TTC29: variants seen among roughly 807,000 people sequenced by gnomAD.
The protein encoded by TTC29 is tetratricopeptide repeat protein 29.
TTC29 carries 49 observed loss-of-function variants against 58.1 expected under a neutral mutation model. The observed-to-expected ratio is 0.84, with a 90% CI of 0.67 to 1.07. The LOEUF (loss-of-function observed/expected upper bound fraction) is 1.07. TTC29 is among the 50% of genes least tolerant of loss of function. The pLI, the probability that TTC29 is intolerant of heterozygous loss-of-function variation, is 0.00. For missense variants in TTC29, 582 were observed against 555.6 expected (o/e 1.05, Z -0.48); for synonymous variants, 209 against 196.8 (o/e 1.06, Z -0.52).
intron 6 of TTC29, among the ~76,000 whole-genome samples, 183 bp from the exon 7 acceptor site, chr4:146,875,111 C>T (rs868614431): frequency 6.6e-6 from 1 of 152,070 alleles, no homozygotes; most frequent in Admixed American, 6.6e-5. Context: ...TCAGTTTCAG[C>T]GTGAATTTTA....
chr4:146,871,594 G>A (rs1296826472), intron 7 of TTC29, among the ~76,000 whole-genome samples: 1 of 151,786 alleles, frequency 6.6e-6, no homozygotes, highest in Non-Finnish European at 1.5e-5. Context: ...AGAAAAGTCA[G>A]TTTTATTTCT....
At chr4:146,871,173 G>T (rs149761188) in intron 7 of TTC29, among the ~76,000 whole-genome samples, 155 of 152,010 alleles carry the variant, frequency 1.0e-3, no homozygotes, top group African/African-American at 3.4e-3. Flanking sequence ...TGCAAGGTTG[G>T]TTCAACATAT....
intron 6 of TTC29, among the ~76,000 whole-genome samples, 171 bp from the exon 7 acceptor site, chr4:146,875,099 C>T (rs959810275): frequency 6.6e-6 from 1 of 152,092 alleles, no homozygotes; most frequent in Non-Finnish European, 1.5e-5. Context: ...TCTAATTGGA[C>T]CTCAGTTTCA....
intron 5 of TTC29, 135 bp downstream of exon 5, chr4:146,908,891 C>T (rs1733703130): frequency 8.1e-6 from 6 of 740,738 alleles, no homozygotes; most frequent in Admixed American, 5.5e-5. Context: ...TCCATAAAGA[C>T]GTTTAATTGA....
At chr4:146,930,026 CAA>C (rs201729454) in intron 4 of TTC29, among the ~76,000 whole-genome samples, 9,321 of 138,372 alleles carry the variant, frequency 0.067, 1,017 homozygotes, top group African/African-American at 0.23. Context: ...TGCACACATA[CAA>C]TATATATATA....
chr4:146,807,127 C>G (rs953806265), intron 10 of TTC29, among the ~76,000 whole-genome samples: 5 of 152,188 alleles, frequency 3.3e-5, no homozygotes, highest in Admixed American at 1.3e-4. Context: ...ACAACATGCT[C>G]TTGAGTGACT....
intron 6 of TTC29, among the ~76,000 whole-genome samples, chr4:146,896,827 G>C (rs1732803336): frequency 6.6e-6 from 1 of 152,100 alleles, no homozygotes; most frequent in South Asian, 2.1e-4. Flanking sequence ...CCAGGACATT[G>C]TATTGAATGC....
Position 146,820,162 on chromosome 4 carries a change from C to T in TTC29, c.1064G>A (p.Arg355Lys), listed in dbSNP as rs757923761. The T allele has an allele frequency of 1.2e-6, 2 of 1,613,322 alleles. No individual in the cohort carries two copies. Among genetic ancestry groups the T allele is most frequent in the Admixed American group, 3.3e-5 (2 of 59,984 alleles). Residue 355 changes from arginine to lysine, a missense_variant, in exon 10 of 13, where the codon AGA becomes AAA. By Grantham distance (26) the Arg-to-Lys change is conservative. Coordinates refer to ENST00000325106, the MANE Select transcript of TTC29 (RefSeq NM_031956.4). ...GATGTCCCCAAGCATTGTACTTGCT[C>T]TCACCAAATCTAGGCTTTGAAAATT... ...RNNFQSLDLV[R>K]ASTMLGDIYN...
intron 11 of TTC29, among the ~76,000 whole-genome samples, chr4:146,721,435 T>C (rs1258814017): frequency 6.6e-6 from 1 of 152,196 alleles, no homozygotes. Context: ...CTTGTAATCT[T>C]CAGATTATAA....
intron 6 of TTC29, among the ~76,000 whole-genome samples, chr4:146,875,742 T>G (rs892271709): frequency 3.9e-5 from 6 of 152,240 alleles, no homozygotes; most frequent in African/African-American, 1.2e-4. Context: ...TAGTTTTGGA[T>G]AATTAGAATG....
chr4:146,893,346 G>T lies in TTC29; in HGVS notation c.586+10198C>A, dbSNP rs1427383211. Among the ~76,000 whole-genome samples the T allele has an allele frequency of 1.3e-5, 2 of 152,024 alleles. 1 individual carries two copies. The highest frequency in any genetic ancestry group is 3.9e-4 in the East Asian group (2 of 5,180). ...ACCAAAACAGACATATAGACCAATG[G>T]AACAGAACAGAGCCCTCAAAAATAA... On this transcript the variant is annotated intron_variant, in intron 6 of 12. Transcript: ENST00000325106.
intron 9 of TTC29, among the ~76,000 whole-genome samples, chr4:146,821,276 C>T (rs77562579): frequency 0.063 from 9,583 of 152,046 alleles, 408 homozygotes; most frequent in Admixed American, 0.13. Flanking sequence ...AATTAGATAG[C>T]GGCCATGGTT....
At chr4:146,863,822 C>T (rs113140198) in intron 8 of TTC29, among the ~76,000 whole-genome samples, 1 of 152,080 alleles carries the variant, frequency 6.6e-6, no homozygotes, top group Admixed American at 6.5e-5. Flanking sequence ...AGTGGAAGAT[C>T]GATGTCTCTG....
Position 146,809,593 on chromosome 4 carries a change from G to T in TTC29, c.1102-5908C>A, listed in dbSNP as rs543800024. On this transcript the variant is annotated intron_variant, in intron 10 of 12. Coordinates refer to ENST00000325106, the MANE Select transcript of TTC29 (RefSeq NM_031956.4). ...AAAAAACAAACAACTCCATCAAAAAGTGGGCAAAGGATATGAACAGACACT... is the reference window on the plus strand; with the variant it reads ...AAAAAACAAACAACTCCATCAAAAATTGGGCAAAGGATATGAACAGACACT... Among the ~76,000 whole-genome samples the T allele has an allele frequency of 1.3e-3, 192 of 149,854 alleles. 12 individuals are homozygous for T. The highest frequency in any genetic ancestry group is 2.3e-3 in the Non-Finnish European group (156 of 67,580).
intron 11 of TTC29, among the ~76,000 whole-genome samples, chr4:146,788,518 T>C (rs934128504): frequency 2.0e-5 from 3 of 152,140 alleles, no homozygotes; most frequent in Non-Finnish European, 4.4e-5. Context: ...AGCTACTGTC[T>C]AGGGTTTCCT....
intron 11 of TTC29, among the ~76,000 whole-genome samples, chr4:146,714,059 C>T (rs527740925): frequency 6.6e-6 from 1 of 152,232 alleles, no homozygotes; most frequent in East Asian, 1.9e-4. Flanking sequence ...TCCTAAAACA[C>T]TCCTCCCTAC....
chr4:146,779,600 T>C (rs1004442551), intron 11 of TTC29, among the ~76,000 whole-genome samples: 3 of 152,152 alleles, frequency 2.0e-5, no homozygotes, highest in South Asian at 2.1e-4. Flanking sequence ...TAATTCTCTA[T>C]GTTAATTTTC....
intron 3 of TTC29, among the ~76,000 whole-genome samples, chr4:146,939,105 T>C (rs1736118571): frequency 6.6e-6 from 1 of 152,134 alleles, no homozygotes; most frequent in African/African-American, 2.4e-5. Context: ...AGTAAGGCTC[T>C]ACCCTCCTTC....
chr4:146,882,498 TA>T (rs1236303614), intron 6 of TTC29, among the ~76,000 whole-genome samples: 26 of 152,126 alleles, frequency 1.7e-4, no homozygotes, highest in Admixed American at 4.6e-4. Context: ...CACCTTATCT[TA>T]AAATACTAAC....
Sources: allele counts gnomAD v4.1 joint callset (sites outside exome capture counted in the v4.1 genomes callset), GRCh38; gene constraint gnomAD v4.1.1; transcripts MANE v1.5; gene names NCBI Gene and HGNC (gene_info 2026-07-23, HGNC 2026-07-21).